The following BRINP3 variants were observed in gnomAD, a reference collection of about 807,000 sequenced individuals.
The protein encoded by BRINP3 is BMP/retinoic acid-inducible neural-specific protein 3.
Under a neutral mutation model 71.0 loss-of-function variants are expected in BRINP3, and 19 were observed. The ratio of observed to expected loss-of-function variants is 0.27; its 90% CI spans 0.19 to 0.39. The LOEUF (loss-of-function observed/expected upper bound fraction) is 0.39, where lower values mean the gene tolerates loss of function less well. Ranked by LOEUF, BRINP3 falls within the 10% of genes least tolerant of loss-of-function variation. The pLI is 1.00. For missense variants in BRINP3, 959 were observed against 940.8 expected (o/e 1.02, Z -0.25); for synonymous variants, 380 against 337.7 (o/e 1.13, Z -1.37).
chr1:190,226,033 A>G (rs1410098092), intron 6 of BRINP3, 49 bp downstream of exon 6: 1 of 1,207,894 alleles, frequency 8.3e-7, no homozygotes, highest in Middle Eastern at 2.0e-4. Context: ...CCATTTCAAT[A>G]TATTTTTTGT....
At chr1:190,111,559 T>A (rs965626940) in intron 7 of BRINP3, among the ~76,000 whole-genome samples, 1 of 152,054 alleles carries the variant, frequency 6.6e-6, no homozygotes, top group African/African-American at 2.4e-5. Context: ...TCCCTTAGAG[T>A]TAGAGGTAGC....
intron 2 of BRINP3, among the ~76,000 whole-genome samples, chr1:190,346,244 A>G (rs1668014577): frequency 6.6e-6 from 1 of 152,050 alleles, no homozygotes; most frequent in Non-Finnish European, 1.5e-5. Context: ...GTAAGAGGAT[A>G]TTGCCAAAAT....
At chr1:190,389,617 T>A (rs1208855210) in intron 2 of BRINP3, among the ~76,000 whole-genome samples, 1 of 151,776 alleles carries the variant, frequency 6.6e-6, no homozygotes, top group Non-Finnish European at 1.5e-5. Context: ...ATATTTTCTG[T>A]CTGCTGGGTG....
chr1:190,153,037 T>G (rs1159596631), intron 7 of BRINP3, among the ~76,000 whole-genome samples: 1 of 152,108 alleles, frequency 6.6e-6, no homozygotes, highest in African/African-American at 2.4e-5. Context: ...GTGGCTGAAA[T>G]GTAAGCTATA....
chr1:190,167,068 G>A (rs571446254), intron 6 of BRINP3, among the ~76,000 whole-genome samples: 1 of 151,766 alleles, frequency 6.6e-6, no homozygotes, highest in Non-Finnish European at 1.5e-5. Context: ...ACATGAGTAG[G>A]TTTCCCTACT....
At chr1:190,163,179 T>C (rs1369078407) in intron 6 of BRINP3, among the ~76,000 whole-genome samples, 1 of 152,046 alleles carries the variant, frequency 6.6e-6, no homozygotes, top group East Asian at 1.9e-4. Context: ...ATAATATAAA[T>C]CAACAATTTA....
At chr1:190,201,407 T>C (rs920300088) in intron 6 of BRINP3, among the ~76,000 whole-genome samples, 4 of 152,150 alleles carry the variant, frequency 2.6e-5, no homozygotes, top group African/African-American at 9.7e-5. Flanking sequence ...AAGGAGAGCA[T>C]AAAAATTTGG....
intron 2 of BRINP3, among the ~76,000 whole-genome samples, chr1:190,292,685 A>G (rs888730824): frequency 1.3e-5 from 2 of 152,050 alleles, no homozygotes; most frequent in Non-Finnish European, 2.9e-5. Flanking sequence ...AGTAAAGTCT[A>G]TTTTTGATGG....
chr1:190,401,610 G>C (rs557912008), intron 2 of BRINP3, among the ~76,000 whole-genome samples: 54 of 152,136 alleles, frequency 3.5e-4, no homozygotes, highest in South Asian at 1.2e-3. Flanking sequence ...AGTAATGCCT[G>C]TGACACATGT....
chr1:190,262,722 T>G (rs564027214), intron 4 of BRINP3, among the ~76,000 whole-genome samples: 1 of 152,168 alleles, frequency 6.6e-6, no homozygotes, highest in Non-Finnish European at 1.5e-5. Context: ...TTCTTCCCTC[T>G]CAGAACTGCT....
intron 2 of BRINP3, among the ~76,000 whole-genome samples, chr1:190,415,392 C>G (rs1191651317): frequency 1.3e-5 from 2 of 151,990 alleles, no homozygotes; most frequent in African/African-American, 4.8e-5. Flanking sequence ...AAGCCTTCAA[C>G]ATATAAATTA....
intron 2 of BRINP3, among the ~76,000 whole-genome samples, chr1:190,384,965 GGGAAA>G (rs1227879023): frequency 2.6e-5 from 4 of 151,262 alleles, no homozygotes; most frequent in Non-Finnish European, 5.9e-5. Context: ...ACAAGGAATG[GGGAAA>G]GGATTCCCTA....
chr1:190,427,161 TG>T (rs1362182539), intron 2 of BRINP3, among the ~76,000 whole-genome samples: 1 of 151,946 alleles, frequency 6.6e-6, no homozygotes, highest in African/African-American at 2.4e-5. Flanking sequence ...TCTATGGGTA[TG>T]AAAAACTAGA....
chr1:190,453,203 ATTTTTTTTTTTTTT>A (rs1190785225), intron 2 of BRINP3, among the ~76,000 whole-genome samples: 130 of 40,920 alleles, frequency 3.2e-3, no homozygotes, highest in African/African-American at 6.8e-3. Flanking sequence ...AAACTTTAGT[ATTTTTTTTTTTTTT>A]TTTTTTTTTT....
chr1:190,100,734 AAAAAAT>A, intron 7 of BRINP3, among the ~76,000 whole-genome samples: 1 of 152,328 alleles, frequency 6.6e-6, no homozygotes, highest in Non-Finnish European at 1.5e-5. Context: ...GAATAAAAGA[AAAAAAT>A]AAATCAAATC....
At chr1:190,148,389 C>G (rs1029568384) in intron 7 of BRINP3, among the ~76,000 whole-genome samples, 1 of 151,638 alleles carries the variant, frequency 6.6e-6, no homozygotes, top group African/African-American at 2.4e-5. Context: ...GTCAGGAGAT[C>G]GAAACCATCC....
intron 4 of BRINP3, among the ~76,000 whole-genome samples, chr1:190,258,489 T>C (rs191978205): frequency 6.7e-6 from 1 of 150,108 alleles, no homozygotes; most frequent in East Asian, 1.9e-4. Context: ...ATCAACGAAG[T>C]TGAAAAAAAA....
intron 6 of BRINP3, among the ~76,000 whole-genome samples, chr1:190,207,150 T>A (rs186510495): frequency 6.6e-6 from 1 of 152,134 alleles, no homozygotes; most frequent in Admixed American, 6.6e-5. Context: ...AATACTAAAT[T>A]GTATAAAGGA....
chr1:190,380,778 T>C (rs1670497125), intron 2 of BRINP3, among the ~76,000 whole-genome samples: 1 of 152,138 alleles, frequency 6.6e-6, no homozygotes, highest in African/African-American at 2.4e-5. Flanking sequence ...TAGGTGTTAT[T>C]ATTTCTTCAT....
Sources: gnomAD v4.1 joint callset for allele counts (sites outside exome capture counted in the v4.1 genomes callset) on GRCh38, gnomAD v4.1.1 for gene constraint, MANE v1.5 for transcripts, NCBI Gene and HGNC (gene_info 2026-07-23, HGNC 2026-07-21) for gene names.